PLCXD3: variants seen among roughly 807,000 people sequenced by gnomAD.
The protein encoded by PLCXD3 is PI-PLC X domain-containing protein 3.
In PLCXD3, 19 loss-of-function variants were observed where a neutral mutation model predicts 25.5. That is an observed-to-expected ratio of 0.75 (90% CI 0.52 to 1.09). PLCXD3 has a LOEUF of 1.09. Among genes scored for constraint, PLCXD3 ranks in the 50% least tolerant of loss-of-function variants. PLCXD3 has a pLI of 0.00. For missense variants in PLCXD3, 411 were observed against 388.1 expected, an observed-to-expected ratio of 1.06 and a Z score of -0.50; for synonymous variants, 174 against 137.6, an observed-to-expected ratio of 1.26 and a Z score of -1.85.
At chr5:41,435,100 C>T (rs1747215484) in intron 1 of PLCXD3, among the ~76,000 whole-genome samples, 1 of 152,202 alleles carries the variant, frequency 6.6e-6, no homozygotes, top group Non-Finnish European at 1.5e-5. Context: ...TACACATGTG[C>T]ATCTATGTGT....
intron 1 of PLCXD3, among the ~76,000 whole-genome samples, chr5:41,390,804 G>T (rs893715927): frequency 1.3e-5 from 2 of 152,202 alleles, no homozygotes; most frequent in African/African-American, 4.8e-5. Flanking sequence ...ATTGCTGAGA[G>T]AGGCTCTGAA....
chr5:41,497,694 A>G (rs1378118882), intron 1 of PLCXD3, among the ~76,000 whole-genome samples: 2 of 151,880 alleles, frequency 1.3e-5, no homozygotes, highest in Non-Finnish European at 3.0e-5. Context: ...ACAAACATAT[A>G]CAGAACATTT....
At chr5:41,343,848 C>A (rs1744226964) in intron 2 of PLCXD3, among the ~76,000 whole-genome samples, 1 of 152,094 alleles carries the variant, frequency 6.6e-6, no homozygotes, top group Admixed American at 6.5e-5. Context: ...ACAAGGCCAA[C>A]ATTTTCATGA....
chr5:41,321,031 G>A (rs181684390), intron 2 of PLCXD3, among the ~76,000 whole-genome samples: 176 of 152,278 alleles, frequency 1.2e-3, no homozygotes, highest in Non-Finnish European at 1.0e-3. Flanking sequence ...TCCTCTAAGA[G>A]CTGGCACATG....
At chr5:41,474,616 C>G (rs894695784) in intron 1 of PLCXD3, among the ~76,000 whole-genome samples, 2 of 152,152 alleles carry the variant, frequency 1.3e-5, no homozygotes, top group Non-Finnish European at 2.9e-5. Context: ...ACTTCCAAAT[C>G]CCTGATTCTC....
intron 1 of PLCXD3, among the ~76,000 whole-genome samples, chr5:41,422,609 T>C (rs1224095933): frequency 6.6e-6 from 1 of 152,230 alleles, no homozygotes; most frequent in East Asian, 1.9e-4. Flanking sequence ...GTCATCTTTA[T>C]GATATTGACT....
At chr5:41,335,465 A>T (rs1743951696) in intron 2 of PLCXD3, among the ~76,000 whole-genome samples, 1 of 152,138 alleles carries the variant, frequency 6.6e-6, no homozygotes, top group African/African-American at 2.4e-5. Context: ...TGTTGGCAGG[A>T]TCGTTTTATT....
At chr5:41,403,401 G>GTTTTTGT (rs1554047952) in intron 1 of PLCXD3, among the ~76,000 whole-genome samples, 1 of 18,412 alleles carries the variant, frequency 5.4e-5, no homozygotes, top group Admixed American at 5.1e-4. Context: ...CTTATTTGTT[G>GTTTTTGT]TTTTTTTTTT....
intron 1 of PLCXD3, among the ~76,000 whole-genome samples, chr5:41,425,025 A>G (rs968849972): frequency 6.6e-6 from 1 of 152,160 alleles, no homozygotes; most frequent in South Asian, 2.1e-4. Context: ...TTTACTTTAT[A>G]TATTTTGGGG....
intron 1 of PLCXD3, among the ~76,000 whole-genome samples, chr5:41,387,851 A>G (rs1263368509): frequency 1.3e-5 from 2 of 152,166 alleles, no homozygotes; most frequent in African/African-American, 4.8e-5. Context: ...TGTGATGCAC[A>G]TAGATAAATA....
Position 41,505,031 on chromosome 5 carries a change from G to A in PLCXD3, c.103+5393C>T, listed in dbSNP as rs374419560. On this transcript the variant is annotated intron_variant, in intron 1 of 2. Coordinates refer to ENST00000377801, the MANE Select transcript of PLCXD3 (RefSeq NM_001005473.3). ...TTCCCTATTTTCATTACTGATTTATGGCACTCAACAGTTTTCATCTTCTTT... is the reference window on the plus strand; with the variant it reads ...TTCCCTATTTTCATTACTGATTTATAGCACTCAACAGTTTTCATCTTCTTT... Among the ~76,000 whole-genome samples, 12 of 152,198 alleles carry A rather than the reference G, an allele frequency of 7.9e-5. No individual in the cohort carries two copies. The East Asian group carries it at 1.7e-3, about 22-fold the overall frequency.
intron 1 of PLCXD3, among the ~76,000 whole-genome samples, chr5:41,452,283 G>A (rs1295447677): frequency 6.6e-6 from 1 of 152,032 alleles, no homozygotes; most frequent in East Asian, 1.9e-4. Context: ...GAATACTAAG[G>A]AATGGCAAAG....
intron 1 of PLCXD3, among the ~76,000 whole-genome samples, chr5:41,431,525 T>C (rs1747101362): frequency 6.6e-6 from 1 of 152,168 alleles, no homozygotes; most frequent in Admixed American, 6.5e-5. Flanking sequence ...CACGGACAGG[T>C]TCTAGAAATT....
intron 1 of PLCXD3, among the ~76,000 whole-genome samples, chr5:41,400,233 T>C (rs925008235): frequency 3.9e-5 from 6 of 152,224 alleles, no homozygotes; most frequent in Non-Finnish European, 7.4e-5. Flanking sequence ...TTACACACTG[T>C]TGGTGGGAAT....
At chr5:41,468,927 G>A (rs527359246) in intron 1 of PLCXD3, among the ~76,000 whole-genome samples, 26 of 152,238 alleles carry the variant, frequency 1.7e-4, no homozygotes, top group Middle Eastern at 6.8e-3. Context: ...GAAAAGAAGT[G>A]TTGAAGAGAG....
At chr5:41,323,751 A>G (rs764573651) in intron 2 of PLCXD3, among the ~76,000 whole-genome samples, 5 of 152,118 alleles carry the variant, frequency 3.3e-5, no homozygotes, top group Non-Finnish European at 5.9e-5. Flanking sequence ...TGAAATCTAG[A>G]TGTCATCTAA....
intron 1 of PLCXD3, among the ~76,000 whole-genome samples, chr5:41,446,664 C>G (rs1218525410): frequency 2.0e-5 from 3 of 151,884 alleles, no homozygotes; most frequent in Non-Finnish European, 4.4e-5. Context: ...GCAAACAGAG[C>G]CATTCAGTCA....
At chr5:41,329,175 GC>G (rs1177619941) in intron 2 of PLCXD3, among the ~76,000 whole-genome samples, 1 of 152,156 alleles carries the variant, frequency 6.6e-6, no homozygotes, top group East Asian at 1.9e-4. Flanking sequence ...TATCTTCCCT[GC>G]CCCGTCACTT....
chr5:41,413,150 A>AT (rs907986243), intron 1 of PLCXD3, among the ~76,000 whole-genome samples: 5 of 151,864 alleles, frequency 3.3e-5, no homozygotes, highest in Non-Finnish European at 5.9e-5. Flanking sequence ...ATTGCAAATA[A>AT]TTTTTTTTTA....
Sources: gnomAD v4.1 joint callset for allele counts (sites outside exome capture counted in the v4.1 genomes callset) on GRCh38, gnomAD v4.1.1 for gene constraint, MANE v1.5 for transcripts, NCBI Gene and HGNC (gene_info 2026-07-23, HGNC 2026-07-21) for gene names.